The following DCAF8 variants were observed in gnomAD, a reference collection of about 807,000 sequenced individuals.
DCAF8 encodes the protein DDB1 and CUL4 associated factor 8.
A neutral mutation model predicts 68.0 loss-of-function variants in DCAF8; 20 were observed. The observed-to-expected ratio is 0.29, with a 90% confidence interval of 0.21 to 0.43. The LOEUF (loss-of-function observed/expected upper bound fraction) is 0.43, where lower values mean the gene tolerates loss of function less well. DCAF8 is among the 20% of genes least tolerant of loss of function. The probability of loss-of-function intolerance (pLI) is 1.00; values close to 1 mark genes in which losing one functional copy is unlikely to be tolerated. For missense variants in DCAF8, 460 were observed against 771.0 expected (o/e 0.60, Z 4.78); for synonymous variants, 230 against 276.9 (o/e 0.83, Z 1.68).
At chr1:160,231,979 C>A (rs1044041098) in intron 6 of DCAF8, among the ~76,000 whole-genome samples, 4 of 151,704 alleles carry the variant, frequency 2.6e-5, no homozygotes, top group African/African-American at 9.7e-5. Flanking sequence ...TCACTTGAGG[C>A]CAGGAATTTG....
intron 3 of DCAF8, among the ~76,000 whole-genome samples, chr1:160,243,686 T>C (rs1656210299): frequency 6.6e-6 from 1 of 152,178 alleles, no homozygotes; most frequent in Non-Finnish European, 1.5e-5. Flanking sequence ...TTTCCTAGGT[T>C]CTGCCCATCC....
chr1:160,225,545 G>A, intron 8 of DCAF8, 46 bp downstream of exon 8: 1 of 1,482,680 alleles, frequency 6.7e-7, no homozygotes, highest in Non-Finnish European at 9.4e-7. Context: ...CAGCCTTGGG[G>A]TTGAGTCAGG....
intron 2 of DCAF8, among the ~76,000 whole-genome samples, chr1:160,247,007 CTTAACT>C (rs1427881257): frequency 4.6e-5 from 7 of 152,204 alleles, no homozygotes; most frequent in African/African-American, 1.2e-4. Flanking sequence ...AGAATACAGT[CTTAACT>C]TTATAAACTG....
chr1:160,236,297 TATAC>T (rs1396192816), intron 6 of DCAF8, among the ~76,000 whole-genome samples: 1 of 151,162 alleles, frequency 6.6e-6, no homozygotes, highest in Admixed American at 6.6e-5. Flanking sequence ...TACGTATATA[TATAC>T]ATACATATAT....
chr1:160,241,800 G>C (rs1656126290), intron 3 of DCAF8, among the ~76,000 whole-genome samples: 1 of 152,208 alleles, frequency 6.6e-6, no homozygotes, highest in South Asian at 2.1e-4. Flanking sequence ...TTCAAAGGTG[G>C]AGCACCTTAT....
chr1:160,239,994 T>C lies in DCAF8; in HGVS notation c.426A>G (p.Ser142=). 1.2e-6 allele frequency: 2 copies of C among 1,614,264 alleles called. No homozygotes were observed. Among genetic ancestry groups the C allele is most frequent in the Non-Finnish European group, 1.7e-6 (2 of 1,180,042 alleles). ...GAGGTCGGGGTAGAGCTGATGTTTC[T>C]GAGGACACCCAGTCCTCTAGGGCCC... The part of the protein sequence containing the change: ...DERALEDWVS[S]ETSALPRPRW... Residue 142 remains serine, a synonymous_variant, in exon 4 of 14, where the codon TCA becomes TCG. Transcript: ENST00000368074.
Position 160,222,762 on chromosome 1 carries a change from A to G in DCAF8, c.1329T>C (p.Tyr443=), listed in dbSNP as rs773491214. ...NNATVKGVNF[Y]GPKSEFVVSG... ...TCACCACAAACTCACTCTTGGGGCC[A>G]TAGAAATTGACGCCTTTTACTGAAA... The change falls in exon 11 of 14, where the codon TAT becomes TAC. Residue 443 remains tyrosine, a synonymous_variant. Coordinates refer to ENST00000368074, the MANE Select transcript of DCAF8 (RefSeq NM_015726.4). 2 of 1,614,198 alleles carry G rather than the reference A, an allele frequency of 1.2e-6. No individual in the cohort carries two copies. Among genetic ancestry groups the G allele is most frequent in the South Asian group, 1.1e-5 (1 of 91,090 alleles).
intron 3 of DCAF8, among the ~76,000 whole-genome samples, chr1:160,242,711 T>C (rs1656167750): frequency 6.6e-6 from 1 of 152,128 alleles, no homozygotes. Flanking sequence ...CCACCACAAC[T>C]ACTCAACTCC....
At chr1:160,242,761 C>T (rs901959631) in intron 3 of DCAF8, among the ~76,000 whole-genome samples, 2 of 152,172 alleles carry the variant, frequency 1.3e-5, no homozygotes, top group Admixed American at 6.5e-5. Context: ...ACTACATAAA[C>T]GAACAGGCAT....
intron 11 of DCAF8, chr1:160,220,722 T>A (rs1655265939): frequency 6.6e-6 from 1 of 152,120 alleles, no homozygotes; most frequent in Non-Finnish European, 1.5e-5. Context: ...AAAGAAAAGA[T>A]CCTCAAATCA....
chr1:160,230,926 A>AT (rs879710388), intron 7 of DCAF8, among the ~76,000 whole-genome samples: 69 of 144,288 alleles, frequency 4.8e-4, no homozygotes, highest in African/African-American at 5.8e-4. Flanking sequence ...TAATTTTTGT[A>AT]TTTTTTTTTT....
At chr1:160,237,251 C>A in intron 5 of DCAF8, 22 bp from the exon 6 acceptor site, 3 of 1,499,724 alleles carry the variant, frequency 2.0e-6, no homozygotes, top group Non-Finnish European at 2.7e-6. Flanking sequence ...AAAGGAAAAA[C>A]ATGAGGTTTC....
intron 4 of DCAF8, 189 bp downstream of exon 4, chr1:160,239,508 T>G (rs1656016919): frequency 3.3e-6 from 5 of 1,493,854 alleles, no homozygotes; most frequent in Non-Finnish European, 4.4e-6. Context: ...ACAGTCCACA[T>G]GCTCAAGGAA....
Position 160,240,074 on chromosome 1 carries a change from G to A in DCAF8, c.346C>T (p.Arg116Cys), listed in dbSNP as rs762773509. The A allele has an allele frequency of 3.1e-5, 50 of 1,614,036 alleles. No individual in the cohort carries two copies. The highest frequency in any genetic ancestry group is 3.9e-5 in the Non-Finnish European group (46 of 1,180,030). The part of the protein sequence containing the change: ...EEEEEEEQPR[R>C]RVQRKRANRD... ...TTAGCCCGCTTGCGCTGTACACGGC[G>A]CCGAGGCTGCTCTTCTTCCTCCTCT... Residue 116 changes from arginine (R) to cysteine (C), a missense_variant, in exon 4 of 14, where the codon CGC (arginine) becomes TGC (cysteine). By Grantham distance (180) the Arg-to-Cys change is radical. This residue lies in a region of DCAF8 where 156 missense variants were observed against 181.4 expected (regional missense o/e 0.86). Transcript: ENST00000368074.
At chr1:160,244,476 A>C (rs2101749491) in intron 2 of DCAF8, among the ~76,000 whole-genome samples, 1 of 152,336 alleles carries the variant, frequency 6.6e-6, no homozygotes, top group Non-Finnish European at 1.5e-5. Flanking sequence ...ACTCTGTACA[A>C]CACTTGTTTT....
rs1385298787 is a variant in DCAF8, at chr1:160,216,532, G to A, written c.*1060C>T. 6.6e-6 allele frequency: 1 copy of A among 152,608 alleles called. No homozygotes were observed. The highest frequency in any genetic ancestry group is 6.5e-5 in the Admixed American group (1 of 15,278). The allele number at this position is 152,608 out of a possible 1,614,324, so 9.5% of individuals were successfully genotyped here. On this transcript the variant is annotated 3_prime_UTR_variant, in exon 14 of 14. Coordinates refer to ENST00000368074, the MANE Select transcript of DCAF8 (RefSeq NM_015726.4). ...ACCCCTACACCAAAGCAGGGAACCA[G>A]GAAGGGCAGAAATGAGGATCCTTCC... is the stretch of plus-strand genomic sequence containing the variant.
At chr1:160,248,563 G>A (rs180716804) in intron 2 of DCAF8, among the ~76,000 whole-genome samples, 3 of 151,744 alleles carry the variant, frequency 2.0e-5, no homozygotes, top group East Asian at 3.9e-4. Flanking sequence ...GTGAAACCCC[G>A]TCTTTACTAA....
chr1:160,234,436 T>C (rs1476658793), intron 6 of DCAF8, among the ~76,000 whole-genome samples: 1 of 152,150 alleles, frequency 6.6e-6, no homozygotes, highest in Non-Finnish European at 1.5e-5. Context: ...CCACCTATCA[T>C]TGCTTATGTT....
chr1:160,254,438 T>C (rs1656740363), intron 2 of DCAF8, among the ~76,000 whole-genome samples: 1 of 152,188 alleles, frequency 6.6e-6, no homozygotes, highest in African/African-American at 2.4e-5. Context: ...TTTATATACA[T>C]ATGTTTATAA....
Sources: allele counts gnomAD v4.1 joint callset (sites outside exome capture counted in the v4.1 genomes callset), GRCh38; gene constraint gnomAD v4.1.1; regional missense constraint gnomAD v4.1.1; transcripts MANE v1.5; gene names NCBI Gene and HGNC (gene_info 2026-07-23, HGNC 2026-07-21).